Variants in FSTL4 observed in about 807,000 individuals in gnomAD.
FSTL4 encodes follistatin-related protein 4.
FSTL4 carries 28 observed loss-of-function variants against 78.2 expected under a neutral mutation model. The observed-to-expected ratio is 0.36, with a 90% CI of 0.27 to 0.49. The LOEUF (loss-of-function observed/expected upper bound fraction) is 0.49, where lower values mean the gene tolerates loss of function less well. Among genes scored for constraint, FSTL4 ranks in the 20% least tolerant of loss-of-function variants. The pLI is 0.98. For missense variants in FSTL4, 922 were observed against 1,084.9 expected (o/e 0.85, Z 2.11); for synonymous variants, 422 against 440.5 (o/e 0.96, Z 0.53).
chr5:133,428,278 A>G (rs1373756901), intron 3 of FSTL4, among the ~76,000 whole-genome samples: 3 of 152,178 alleles, frequency 2.0e-5, no homozygotes, highest in Non-Finnish European at 4.4e-5. Flanking sequence ...TGTCATACGC[A>G]TCATGGCAGA....
At chr5:133,214,315 A>T (rs896375902) in intron 13 of FSTL4, among the ~76,000 whole-genome samples, 2 of 152,244 alleles carry the variant, frequency 1.3e-5, no homozygotes, top group African/African-American at 4.8e-5. Context: ...GATCGATATT[A>T]TTCAGAGTAT....
the FSTL4 span, among the ~76,000 whole-genome samples, chr5:133,699,060 C>A: frequency 6.6e-6 from 1 of 152,176 alleles, no homozygotes; most frequent in Non-Finnish European, 1.5e-5. Flanking sequence ...TCAATGGTGT[C>A]CTGGAGGTCA....
At chr5:133,384,973 A>G (rs1217241353) in intron 4 of FSTL4, among the ~76,000 whole-genome samples, 1 of 152,070 alleles carries the variant, frequency 6.6e-6, no homozygotes, top group African/African-American at 2.4e-5. Context: ...CCCATTTCTC[A>G]TCATTTAGTA....
chr5:133,631,104 TA>T, the FSTL4 span, among the ~76,000 whole-genome samples: 1 of 152,082 alleles, frequency 6.6e-6, no homozygotes, highest in Non-Finnish European at 1.5e-5. Flanking sequence ...ACTTCATGAC[TA>T]AAACACCAAA....
chr5:133,346,157 C>G (rs533004620), intron 4 of FSTL4, among the ~76,000 whole-genome samples: 16 of 152,132 alleles, frequency 1.1e-4, no homozygotes, highest in Non-Finnish European at 2.2e-4. Context: ...AAACCAAACA[C>G]CACATGTTCT....
chr5:133,355,134 G>C (rs1410922510), intron 4 of FSTL4, among the ~76,000 whole-genome samples: 1 of 152,246 alleles, frequency 6.6e-6, no homozygotes, highest in African/African-American at 2.4e-5. Flanking sequence ...TGGAATTGCA[G>C]AATACATATT....
chr5:133,581,072 C>A (rs1315404747), intron 2 of FSTL4, among the ~76,000 whole-genome samples: 1 of 152,218 alleles, frequency 6.6e-6, no homozygotes, highest in Non-Finnish European at 1.5e-5. Flanking sequence ...AATCCCCATA[C>A]ACACTTTGAT....
chr5:133,456,824 G>T (rs538239790), intron 3 of FSTL4, among the ~76,000 whole-genome samples: 1 of 152,218 alleles, frequency 6.6e-6, no homozygotes, highest in Non-Finnish European at 1.5e-5. Context: ...TGACATGAAT[G>T]GTTCTGAGTT....
intron 4 of FSTL4, among the ~76,000 whole-genome samples, chr5:133,362,331 A>G (rs1029924408): frequency 6.6e-6 from 1 of 152,300 alleles, no homozygotes; most frequent in Non-Finnish European, 1.5e-5. Flanking sequence ...GTGGAAGTGG[A>G]TTACATTGTC....
intron 3 of FSTL4, among the ~76,000 whole-genome samples, chr5:133,510,877 C>T (rs1183788627): frequency 6.6e-6 from 1 of 152,126 alleles, no homozygotes; most frequent in Non-Finnish European, 1.5e-5. Flanking sequence ...CCTCTGACGT[C>T]AAAACCCATC....
rs539957200 is a variant in FSTL4 at position 133,216,479 on chromosome 5, G to A, written c.1608+750C>T. Among the ~76,000 whole-genome samples the A allele has an allele frequency of 1.3e-4, 20 of 152,222 alleles. 1 individual carries two copies. The South Asian group carries it at 4.2e-3, about 32-fold the overall frequency. ...TTCTCCTGCCTCAGCCTCCTGAGTAGCTGGGATTACAGGCACCTGCCACCA... is the reference window on the plus strand; with the variant it reads ...TTCTCCTGCCTCAGCCTCCTGAGTAACTGGGATTACAGGCACCTGCCACCA... On this transcript the variant is annotated intron_variant, in intron 13 of 15. Transcript: ENST00000265342.
At position 133,497,096 on chromosome 5, in the gene FSTL4, T is replaced by C. The variant is rs376121792; in HGVS notation, c.160+70090A>G. ...TATACTGACAAAGAAACCAGAAATC[T>C]CTTCCCCTGGGCCCATCCTCACTGG... On this transcript the variant is annotated intron_variant, in intron 3 of 15. Transcript: ENST00000265342. 3.3e-5 allele frequency among the ~76,000 whole-genome samples: 5 copies of C among 152,288 alleles called. No individual in the cohort carries two copies. The East Asian group carries it at 7.7e-4, about 24-fold the overall frequency.
At position 133,611,985 on chromosome 5, in the gene FSTL4, T is replaced by C. The variant is rs1284285684; in HGVS notation, c.-11+340A>G. 6.6e-6 allele frequency among the ~76,000 whole-genome samples: 1 copy of C among 151,768 alleles called. No homozygotes were observed. Among genetic ancestry groups the C allele is most frequent in the Non-Finnish European group, 1.5e-5 (1 of 67,894 alleles). ...TCGGAGCCGGGCGCGAGCTGCGGGC[T>C]CGGCCCGAGCGCTTCTGCGTGGCGC... On this transcript the variant is annotated intron_variant, in intron 1 of 15. Transcript: ENST00000265342. The surrounding 1 kb of genome is among the most constrained non-coding windows in gnomAD (Gnocchi z 4.9).
chr5:133,486,784 A>C (rs1164331008), intron 3 of FSTL4, among the ~76,000 whole-genome samples: 1 of 152,188 alleles, frequency 6.6e-6, no homozygotes, highest in South Asian at 2.1e-4. Flanking sequence ...GCGGAGCAGA[A>C]GGAACTTTGA....
chr5:133,738,495 C>A, the FSTL4 span, among the ~76,000 whole-genome samples: 3 of 152,130 alleles, frequency 2.0e-5, no homozygotes, highest in Non-Finnish European at 4.4e-5. Context: ...AGCCTGTGTA[C>A]TTGAACAGGC....
chr5:133,557,086 C>T (rs1759803603), intron 3 of FSTL4, among the ~76,000 whole-genome samples: 1 of 152,126 alleles, frequency 6.6e-6, no homozygotes, highest in African/African-American at 2.4e-5. Flanking sequence ...GGGGACAGGG[C>T]AAAAGAACAA....
chr5:133,464,485 C>A (rs545117234), intron 3 of FSTL4, among the ~76,000 whole-genome samples: 2 of 152,300 alleles, frequency 1.3e-5, no homozygotes, highest in South Asian at 2.1e-4. Flanking sequence ...AAAAGGAAAA[C>A]CTTTACTGGT....
At chr5:133,840,953 G>A in the FSTL4 span, among the ~76,000 whole-genome samples, 2 of 152,258 alleles carry the variant, frequency 1.3e-5, no homozygotes, top group African/African-American at 2.4e-5. Flanking sequence ...GGAGGCAGAG[G>A]AACTGCATGG....
intron 6 of FSTL4, among the ~76,000 whole-genome samples, chr5:133,249,893 C>T (rs934362906): frequency 2.0e-5 from 3 of 152,226 alleles, no homozygotes; most frequent in East Asian, 1.9e-4. Flanking sequence ...AGGGGGCCCA[C>T]CACAGAGAGA....
Sources: allele counts gnomAD v4.1 joint callset (sites outside exome capture counted in the v4.1 genomes callset), GRCh38; gene constraint gnomAD v4.1.1; non-coding constraint Gnocchi (gnomAD v3.1); transcripts MANE v1.5; gene names NCBI Gene and HGNC (gene_info 2026-07-23, HGNC 2026-07-21).